The following PPARGC1A variants were observed in gnomAD, a reference collection of about 807,000 sequenced individuals.
PPARGC1A encodes the protein PPARG coactivator 1 alpha, also known as peroxisome proliferator-activated receptor gamma coactivator 1-alpha.
In PPARGC1A, 25 loss-of-function variants were observed where a neutral mutation model predicts 88.7. That is an observed-to-expected ratio of 0.28 (90% CI 0.21 to 0.39). The LOEUF (loss-of-function observed/expected upper bound fraction) is 0.39. PPARGC1A is among the 10% of genes least tolerant of loss of function. The pLI, the probability that PPARGC1A is intolerant of heterozygous loss-of-function variation, is 1.00. For synonymous variants in PPARGC1A, 363 were observed against 355.6 expected (o/e 1.02, Z -0.24); for missense variants, 880 against 968.7 (o/e 0.91, Z 1.22).
At chr4:24,471,516 A>C in the PPARGC1A span, among the ~76,000 whole-genome samples, 2,467 of 151,858 alleles carry the variant, frequency 0.016, 30 homozygotes, top group Middle Eastern at 0.034. The surrounding 1 kb of genome is among the most constrained non-coding windows in gnomAD (Gnocchi z 5.4). Flanking sequence ...TCCTCTCTCT[A>C]TTTCTCGCTC....
the PPARGC1A span, among the ~76,000 whole-genome samples, chr4:24,049,678 G>A: frequency 6.6e-6 from 1 of 152,046 alleles, no homozygotes; most frequent in Non-Finnish European, 1.5e-5. Flanking sequence ...GCCTCATGGA[G>A]CCATGAGGGG....
the PPARGC1A span, among the ~76,000 whole-genome samples, chr4:23,958,372 A>C: frequency 1.3e-5 from 2 of 152,130 alleles, no homozygotes; most frequent in African/African-American, 4.8e-5. Flanking sequence ...TACTGAGGTT[A>C]TAAATAGCCA....
chr4:24,055,806 C>T, the PPARGC1A span, among the ~76,000 whole-genome samples: 1 of 151,970 alleles, frequency 6.6e-6, no homozygotes, highest in Non-Finnish European at 1.5e-5. Context: ...GAAAGCATTG[C>T]TGTACCCTCC....
rs145407468 is a variant in PPARGC1A at position 23,835,466 on chromosome 4, TTGTGTG to T, written c.235-3721_235-3716del. Among the ~76,000 whole-genome samples the T allele has an allele frequency of 8.7e-3, 1,180 of 135,358 alleles. 15 individuals carry two copies. The highest frequency in any genetic ancestry group is 0.03 in the African/African-American group (1,106 of 37,104). 88.8% of individuals were successfully genotyped at this position (135,358 alleles called of 152,430 possible). A position where few individuals can be genotyped will look rare whatever the true frequency, so the allele number is the denominator to read the frequency against. ...TAAGATGGGAGATTAGCATGGCGGCTTGTGTGTGTGTGTGTGTGTGTGTGTGTGTGT... is the reference window on the plus strand; with the variant it reads ...TAAGATGGGAGATTAGCATGGCGGCTTGTGTGTGTGTGTGTGTGTGTGTGT... On this transcript the variant is annotated intron_variant, in intron 2 of 12. Transcript: ENST00000264867.
chr4:24,303,879 C>A, the PPARGC1A span, among the ~76,000 whole-genome samples: 3 of 152,166 alleles, frequency 2.0e-5, no homozygotes, highest in Admixed American at 1.3e-4. Context: ...CTGTATTGCT[C>A]AAATGCTATC....
chr4:24,226,777 G>A, the PPARGC1A span, among the ~76,000 whole-genome samples: 3 of 152,140 alleles, frequency 2.0e-5, no homozygotes, highest in Non-Finnish European at 4.4e-5. Context: ...CTTCCAGAAG[G>A]CAGGATGCCC....
chr4:23,914,737 C>T, the PPARGC1A span, among the ~76,000 whole-genome samples: 1 of 152,176 alleles, frequency 6.6e-6, no homozygotes, highest in East Asian at 1.9e-4. Flanking sequence ...GCGGCCTGAA[C>T]CTAACATAGC....
At chr4:24,175,289 A>G in the PPARGC1A span, among the ~76,000 whole-genome samples, 372 of 152,086 alleles carry the variant, frequency 2.4e-3, 3 homozygotes, top group African/African-American at 8.2e-3. Context: ...TATCAATGAT[A>G]AAGAGATGAT....
At chr4:24,467,008 G>GAGAAAGAAAGAAAGAAAAAGAA in the PPARGC1A span, among the ~76,000 whole-genome samples, 1 of 128,838 alleles carries the variant, frequency 7.8e-6, no homozygotes, top group Non-Finnish European at 1.6e-5. Flanking sequence ...GAAGGAAGGG[G>GAGAAAGAAAGAAAGAAAAAGAA]AGAAAGAAAG....
chr4:24,326,643 G>A, the PPARGC1A span, among the ~76,000 whole-genome samples: 1 of 152,032 alleles, frequency 6.6e-6, no homozygotes, highest in Non-Finnish European at 1.5e-5. Context: ...ACCTATCTCG[G>A]CATAATTCTC....
chr4:23,918,776 A>C, the PPARGC1A span, among the ~76,000 whole-genome samples: 2 of 152,214 alleles, frequency 1.3e-5, no homozygotes, highest in African/African-American at 2.4e-5. Context: ...AATAATAAAA[A>C]GTAATAATGA....
the PPARGC1A span, among the ~76,000 whole-genome samples, chr4:24,419,834 G>T: frequency 1.3e-5 from 2 of 152,090 alleles, no homozygotes; most frequent in African/African-American, 4.8e-5. Context: ...AAAAATTCCT[G>T]CCAACTTTAG....
chr4:24,201,892 G>A, the PPARGC1A span, among the ~76,000 whole-genome samples: 1 of 151,304 alleles, frequency 6.6e-6, no homozygotes, highest in Non-Finnish European at 1.5e-5. Flanking sequence ...ATATTCTTCA[G>A]TTTGGTTATA....
the PPARGC1A span, among the ~76,000 whole-genome samples, chr4:24,317,231 G>A: frequency 2.0e-5 from 3 of 151,966 alleles, no homozygotes; most frequent in Admixed American, 6.5e-5. Flanking sequence ...ACTATATACT[G>A]CAACCCTACA....
the PPARGC1A span, among the ~76,000 whole-genome samples, chr4:24,278,033 G>A: frequency 5.3e-5 from 8 of 152,076 alleles, no homozygotes; most frequent in East Asian, 1.9e-4. Context: ...AAATAAGACC[G>A]GCGTGGTGGC....
At chr4:23,966,245 C>T in the PPARGC1A span, among the ~76,000 whole-genome samples, 1 of 152,160 alleles carries the variant, frequency 6.6e-6, no homozygotes, top group African/African-American at 2.4e-5. Context: ...TCGGAGAGGT[C>T]ATTTCTCCTA....
rs924728215 is a variant in PPARGC1A at position 23,795,051 on chromosome 4, A to AAAAG, written c.*767_*770dup. ...CCATGGCAAAAGGAAAAAGAAAAAA[A>AAAAG]AAAGAGAGAGAGAGAGAGAGAGAGA... On this transcript the variant is annotated 3_prime_UTR_variant, in exon 13 of 13. Coordinates refer to ENST00000264867, the MANE Select transcript of PPARGC1A (RefSeq NM_013261.5). 6.7e-6 allele frequency: 1 copy of AAAAG among 148,444 alleles called. No individual in the cohort carries two copies. Among genetic ancestry groups the AAAAG allele is most frequent in the Non-Finnish European group, 1.5e-5 (1 of 67,148 alleles). The allele number at this position is 148,444 out of a possible 1,614,324, so 9.2% of individuals were successfully genotyped here.
chr4:24,283,891 C>G, the PPARGC1A span, among the ~76,000 whole-genome samples: 1 of 152,144 alleles, frequency 6.6e-6, no homozygotes, highest in Non-Finnish European at 1.5e-5. Context: ...GGTCTTGGCC[C>G]ATGACTAGGG....
chr4:23,923,982 G>A, the PPARGC1A span, among the ~76,000 whole-genome samples: 1 of 152,154 alleles, frequency 6.6e-6, no homozygotes, highest in Non-Finnish European at 1.5e-5. Flanking sequence ...CTTTCCTATG[G>A]AGAGATGCCT....
Sources: gnomAD v4.1 joint callset for allele counts (sites outside exome capture counted in the v4.1 genomes callset) on GRCh38, gnomAD v4.1.1 for gene constraint, Gnocchi (gnomAD v3.1) non-coding constraint, MANE v1.5 for transcripts, NCBI Gene and HGNC (gene_info 2026-07-23, HGNC 2026-07-21) for gene names.